RABGAP1L: variants seen among roughly 807,000 people sequenced by gnomAD.
RABGAP1L encodes rab GTPase-activating protein 1-like.
In RABGAP1L, 63 loss-of-function variants were observed where a neutral mutation model predicts 137.7. That is an observed-to-expected ratio of 0.46 (90% CI 0.37 to 0.56). The LOEUF is 0.56. Ranked by LOEUF, RABGAP1L falls within the 20% of genes least tolerant of loss-of-function variation. The probability of loss-of-function intolerance (pLI) is 0.00; values close to 1 mark genes in which losing one functional copy is unlikely to be tolerated. For missense variants in RABGAP1L, 1,095 were observed against 1,244.0 expected (o/e 0.88, Z 1.80); for synonymous variants, 431 against 433.7 (o/e 0.99, Z 0.08).
At chr1:174,172,309 A>G (rs1665483747) in intron 1 of RABGAP1L, among the ~76,000 whole-genome samples, 1 of 151,998 alleles carries the variant, frequency 6.6e-6, no homozygotes, top group Admixed American at 6.6e-5. Context: ...GCTGCAATGA[A>G]TATGTGAAAG....
chr1:174,218,211 G>T (rs1046601048), intron 1 of RABGAP1L, among the ~76,000 whole-genome samples: 2 of 152,128 alleles, frequency 1.3e-5, no homozygotes, highest in Admixed American at 1.3e-4. Context: ...CATAGCTACT[G>T]TTTGTCACAT....
intron 13 of RABGAP1L, among the ~76,000 whole-genome samples, chr1:174,595,935 C>T (rs1275158249): frequency 1.9e-5 from 2 of 105,060 alleles, no homozygotes; most frequent in South Asian, 3.0e-4. Context: ...TTGGCAATGG[C>T]GGGCGCCCCT....
At chr1:174,799,775 TAGCAGCAGC>T in intron 18 of RABGAP1L, 1 of 862,292 alleles carries the variant, frequency 1.2e-6, no homozygotes, top group Non-Finnish European at 1.4e-6. Context: ...GCAGCAGCAG[TAGCAGCAGC>T]AGCAGCAACA....
rs372875727 is a variant in RABGAP1L, at chr1:174,742,419, A to C, written c.2170-9894A>C. Among the ~76,000 whole-genome samples, 243 of 152,264 alleles carry C rather than the reference A, an allele frequency of 1.6e-3. 9 individuals are homozygous for C. The South Asian group carries it at 0.047, about 30-fold the overall frequency. ...GTAATCCCAGCTACTCGGGAGGCTG[A>C]GGCAGGAGATTTGCTTAAGCCCAGG... On this transcript the variant is annotated intron_variant, in intron 17 of 25. Coordinates refer to ENST00000681986, the MANE Select transcript of RABGAP1L (RefSeq NM_001366446.1).
chr1:174,534,132 C>CTG (rs35255973), intron 13 of RABGAP1L, among the ~76,000 whole-genome samples: 10,540 of 132,454 alleles, frequency 0.08, 418 homozygotes, highest in Non-Finnish European at 0.097. Flanking sequence ...GAGGTCAACT[C>CTG]TGTGTGTGTG....
chr1:174,888,053 A>T (rs1012390338), intron 19 of RABGAP1L, among the ~76,000 whole-genome samples: 1 of 152,092 alleles, frequency 6.6e-6, no homozygotes, highest in Non-Finnish European at 1.5e-5. Flanking sequence ...AAAAAAAAAT[A>T]CGATTACAAA....
chr1:174,284,443 C>G (rs1675871765), intron 10 of RABGAP1L, among the ~76,000 whole-genome samples: 2 of 152,152 alleles, frequency 1.3e-5, no homozygotes, highest in South Asian at 4.1e-4. Flanking sequence ...ATGGCTGAGT[C>G]ATATTCCATT....
chr1:174,478,439 T>C (rs1658737129), intron 13 of RABGAP1L, among the ~76,000 whole-genome samples: 1 of 150,848 alleles, frequency 6.6e-6, no homozygotes. Flanking sequence ...CCTGGCTAAT[T>C]AAAAAAAAAA....
intron 1 of RABGAP1L, among the ~76,000 whole-genome samples, chr1:174,208,642 A>G (rs932356396): frequency 3.3e-5 from 5 of 152,106 alleles, no homozygotes; most frequent in East Asian, 3.8e-4. Context: ...CTTTTAATAC[A>G]TTGTTGGATA....
At chr1:174,734,913 G>A (rs1288905087) in intron 17 of RABGAP1L, among the ~76,000 whole-genome samples, 1 of 148,526 alleles carries the variant, frequency 6.7e-6, no homozygotes, top group Non-Finnish European at 1.5e-5. Context: ...TTTTTTAAGT[G>A]GGAAGTATGC....
At chr1:174,350,227 G>A (rs1683007100) in intron 11 of RABGAP1L, among the ~76,000 whole-genome samples, 1 of 136,836 alleles carries the variant, frequency 7.3e-6, no homozygotes, top group Non-Finnish European at 1.6e-5. Context: ...GGTGGCTGCC[G>A]GGCGGAGACG....
At chr1:174,544,080 T>A (rs945537504) in intron 13 of RABGAP1L, among the ~76,000 whole-genome samples, 3 of 152,206 alleles carry the variant, frequency 2.0e-5, no homozygotes, top group African/African-American at 7.2e-5. Context: ...GTCTTGGAGT[T>A]GCTCTTCTCG....
intron 18 of RABGAP1L, among the ~76,000 whole-genome samples, chr1:174,756,494 T>G (rs1358171807): frequency 6.6e-6 from 1 of 151,992 alleles, no homozygotes; most frequent in African/African-American, 2.4e-5. Flanking sequence ...CCACTGACTT[T>G]ATTGATCTAA....
At chr1:174,351,348 C>T (rs562112401) in intron 11 of RABGAP1L, among the ~76,000 whole-genome samples, 12 of 152,226 alleles carry the variant, frequency 7.9e-5, no homozygotes, top group Non-Finnish European at 2.9e-5. Context: ...CATTTCTTGT[C>T]GGACAGGTCT....
rs150803925 is a variant in RABGAP1L, at chr1:174,732,147, C to T, written c.2170-20166C>T. Among the ~76,000 whole-genome samples the T allele has an allele frequency of 5.1e-3, 768 of 151,250 alleles. 5 individuals carry two copies. The highest frequency in any genetic ancestry group is 0.018 in the African/African-American group (735 of 41,114). On this transcript the variant is annotated intron_variant, in intron 17 of 25. Transcript: ENST00000681986. Reference sequence around the variant, plus strand: ...CTGGAAGGTGGAGGTTGCAGTGAGCCGAGATTGCGCCACTGCATTCCAGCC... The same window carrying T: ...CTGGAAGGTGGAGGTTGCAGTGAGCTGAGATTGCGCCACTGCATTCCAGCC...
rs1020796560 is a variant in RABGAP1L at position 174,800,151 on chromosome 1, T to C, written c.2212-11681T>C. 7.9e-6 allele frequency: 11 copies of C among 1,390,132 alleles called. No homozygotes were observed. The African/African-American group carries it at 1.5e-4, about 19-fold the overall frequency. The allele number at this position is 1,390,132 out of a possible 1,614,324, so 86.1% of individuals were successfully genotyped here. ...TTCATTTTCCAGTCTACTTTGGGGTTCTCGCAGTGGATAATTTAGCCAAAA... is the reference window on the plus strand; with the variant it reads ...TTCATTTTCCAGTCTACTTTGGGGTCCTCGCAGTGGATAATTTAGCCAAAA... On this transcript the variant is annotated intron_variant, in intron 18 of 25. Coordinates refer to ENST00000681986, the MANE Select transcript of RABGAP1L (RefSeq NM_001366446.1).
chr1:174,656,276 G>A (rs1027506002), intron 14 of RABGAP1L, among the ~76,000 whole-genome samples: 2 of 152,120 alleles, frequency 1.3e-5, no homozygotes, highest in African/African-American at 2.4e-5. Flanking sequence ...GTTCCAACAT[G>A]GTGAAACTCC....
intron 19 of RABGAP1L, among the ~76,000 whole-genome samples, chr1:174,859,677 C>G (rs115627642): frequency 0.021 from 3,122 of 151,830 alleles, 50 homozygotes; most frequent in Middle Eastern, 0.082. Flanking sequence ...CAACACACAC[C>G]GGGGACTACC....
intron 18 of RABGAP1L, among the ~76,000 whole-genome samples, chr1:174,764,311 T>C (rs1416177004): frequency 6.6e-6 from 1 of 152,250 alleles, no homozygotes; most frequent in Non-Finnish European, 1.5e-5. Flanking sequence ...TCAGTTCTCT[T>C]GGTTATATGC....
Sources: allele counts gnomAD v4.1 joint callset (sites outside exome capture counted in the v4.1 genomes callset), GRCh38; gene constraint gnomAD v4.1.1; transcripts MANE v1.5; gene names NCBI Gene and HGNC (gene_info 2026-07-23, HGNC 2026-07-21).